TBC1D19: variants seen among roughly 807,000 people sequenced by gnomAD.
The protein encoded by TBC1D19 is TBC1 domain family member 19, also known as TBC1 domain family, member 19.
TBC1D19 carries 60 observed loss-of-function variants against 89.0 expected under a neutral mutation model. The ratio of observed to expected loss-of-function variants is 0.67; its 90% CI spans 0.55 to 0.84. The LOEUF (loss-of-function observed/expected upper bound fraction) is 0.84. TBC1D19 is among the 40% of genes least tolerant of loss of function. The pLI, the probability that TBC1D19 is intolerant of heterozygous loss-of-function variation, is 0.00. For synonymous variants in TBC1D19, 189 were observed against 199.7 expected, an observed-to-expected ratio of 0.95 and a Z score of 0.45; for missense variants, 500 against 610.8, an observed-to-expected ratio of 0.82 and a Z score of 1.91.
intron 13 of TBC1D19, among the ~76,000 whole-genome samples, chr4:26,698,614 A>T (rs1325495456): frequency 6.6e-6 from 1 of 152,228 alleles, no homozygotes; most frequent in Non-Finnish European, 1.5e-5. Flanking sequence ...TTCAAACTAC[A>T]CTACAAGGCT....
chr4:26,727,446 A>G (rs1717388872), intron 15 of TBC1D19, among the ~76,000 whole-genome samples: 1 of 152,184 alleles, frequency 6.6e-6, no homozygotes, highest in South Asian at 2.1e-4. Context: ...TGACAAAAAA[A>G]GATTTTCTTA....
intron 1 of TBC1D19, among the ~76,000 whole-genome samples, chr4:26,610,046 A>T (rs998796521): frequency 8.5e-5 from 13 of 152,258 alleles, no homozygotes; most frequent in African/African-American, 3.1e-4. Context: ...TGAGAGTGCC[A>T]GGTGGAAGTG....
Position 26,691,598 on chromosome 4 carries a change from G to T in TBC1D19, c.954+3191G>T, listed in dbSNP as rs192328541. 3.3e-4 allele frequency among the ~76,000 whole-genome samples: 50 copies of T among 151,706 alleles called. 1 individual carries two copies. In the East Asian group the frequency reaches 9.1e-3, roughly 28 times the overall value. On this transcript the variant is annotated intron_variant, in intron 13 of 20. Coordinates refer to ENST00000264866, the MANE Select transcript of TBC1D19 (RefSeq NM_018317.4). ...GATGGTTATTAGCATTTTTTTTTTA[G>T]CAAGAAAGTATTTTTAATTTATGGC...
chr4:26,783,100 C>T, the TBC1D19 span, among the ~76,000 whole-genome samples: 4 of 152,140 alleles, frequency 2.6e-5, no homozygotes, highest in African/African-American at 4.8e-5. Context: ...TAACTAACCG[C>T]GGGGCTATTT....
chr4:26,659,646 G>A lies in TBC1D19; in HGVS notation c.530G>A (p.Ser177Asn), dbSNP rs1745094313. Reference sequence around the variant, plus strand: ...AATTATGAAAACGGTGATTCTCTTAGTTTCAGGACTCATTTGGGTTTAATT... The same window carrying A: ...AATTATGAAAACGGTGATTCTCTTAATTTCAGGACTCATTTGGGTTTAATT... Reference protein sequence around the residue: ...NPNYENGDSLSFRTHLGLIQV... With the variant: ...NPNYENGDSLNFRTHLGLIQV... The change falls in exon 8 of 21, where the codon AGT (serine) becomes AAT (asparagine). Residue 177 changes from serine to asparagine, a missense_variant. Transcript: ENST00000264866. The A allele has an allele frequency of 1.3e-6, 2 of 1,595,686 alleles. No homozygotes were observed. The highest frequency in any genetic ancestry group is 1.7e-6 in the Non-Finnish European group (2 of 1,167,166).
the TBC1D19 span, among the ~76,000 whole-genome samples, chr4:26,810,254 TC>T: frequency 6.6e-6 from 1 of 152,056 alleles, no homozygotes; most frequent in Non-Finnish European, 1.5e-5. Flanking sequence ...TTCCCCTCAC[TC>T]CCCCAGTAGC....
chr4:26,841,900 C>A, the TBC1D19 span, among the ~76,000 whole-genome samples: 1 of 151,772 alleles, frequency 6.6e-6, no homozygotes, highest in Non-Finnish European at 1.5e-5. Flanking sequence ...TGGCATTGCA[C>A]AATATAAAGA....
chr4:26,678,300 C>T (rs1041323653), intron 11 of TBC1D19, among the ~76,000 whole-genome samples: 7 of 152,122 alleles, frequency 4.6e-5, no homozygotes, highest in African/African-American at 1.4e-4. Flanking sequence ...GTGTAACTTT[C>T]GTCAGTCGAG....
Position 26,673,766 on chromosome 4 carries a change from C to T in TBC1D19, c.704-10C>T. 9.6e-6 allele frequency: 15 copies of T among 1,570,598 alleles called. No homozygotes were observed. Among genetic ancestry groups the T allele is most frequent in the Non-Finnish European group, 1.3e-5 (15 of 1,142,252 alleles). On this transcript the variant is annotated splice_polypyrimidine_tract_variant and intron_variant, in intron 10 of 20. Transcript: ENST00000264866. The stretch of plus-strand genomic sequence containing the variant: ...AGTTTTCAAAGGAGATTTTCATATA[C>T]TTTTGATAGTTCTAGCAGAACAAGA...
intron 7 of TBC1D19, among the ~76,000 whole-genome samples, chr4:26,642,439 TG>T (rs1743610757): frequency 6.6e-6 from 1 of 152,024 alleles, no homozygotes; most frequent in Non-Finnish European, 1.5e-5. Context: ...GCACTAAACA[TG>T]GAAAGGAACA....
chr4:26,793,863 AG>A, the TBC1D19 span, among the ~76,000 whole-genome samples: 1 of 152,150 alleles, frequency 6.6e-6, no homozygotes, highest in African/African-American at 2.4e-5. Context: ...CTTACTTCTT[AG>A]TACTTGAAAC....
intron 7 of TBC1D19, among the ~76,000 whole-genome samples, chr4:26,645,755 A>T (rs1423760774): frequency 6.6e-6 from 1 of 152,174 alleles, no homozygotes; most frequent in Non-Finnish European, 1.5e-5. Context: ...CAATCTACCC[A>T]TGTGACATAG....
At chr4:26,741,139 G>A (rs1718344537) in intron 17 of TBC1D19, among the ~76,000 whole-genome samples, 1 of 152,150 alleles carries the variant, frequency 6.6e-6, no homozygotes, top group East Asian at 1.9e-4. Flanking sequence ...GGTGGATCAT[G>A]AGGTCAGGAG....
intron 13 of TBC1D19, among the ~76,000 whole-genome samples, chr4:26,695,228 A>G (rs898253422): frequency 9.2e-5 from 14 of 152,210 alleles, no homozygotes; most frequent in Non-Finnish European, 4.4e-5. Context: ...TTCAGTAGCC[A>G]ATTCGATCAA....
At chr4:26,815,667 G>A in the TBC1D19 span, among the ~76,000 whole-genome samples, 3 of 152,170 alleles carry the variant, frequency 2.0e-5, no homozygotes, top group African/African-American at 7.2e-5. Context: ...AAAAAAAGAG[G>A]CCATTCTGAC....
At chr4:26,740,884 T>C in intron 17 of TBC1D19, 5 of 985,428 alleles carry the variant, frequency 5.1e-6, no homozygotes, top group Non-Finnish European at 6.0e-6. Flanking sequence ...CCAGTTTTGC[T>C]TTCATACATC....
chr4:26,756,760 C>T (rs1174507742), downstream of TBC1D19, among the ~76,000 whole-genome samples: 2 of 152,204 alleles, frequency 1.3e-5, no homozygotes, highest in East Asian at 1.9e-4. Context: ...ATGAAGAATG[C>T]ACAACTTCAT....
chr4:26,752,015 A>G (rs1039241150), intron 19 of TBC1D19, among the ~76,000 whole-genome samples: 7 of 152,160 alleles, frequency 4.6e-5, no homozygotes, highest in Admixed American at 3.9e-4. Flanking sequence ...AAGGTTGAGT[A>G]TTGGCTTTAC....
At chr4:26,757,143 A>G (rs551828001), downstream of TBC1D19, among the ~76,000 whole-genome samples, 1 of 152,094 alleles carries the variant, frequency 6.6e-6, no homozygotes, top group African/African-American at 2.4e-5. Flanking sequence ...CCTCCCAAAT[A>G]GCTGGGACTA....
Sources: allele counts gnomAD v4.1 joint callset (sites outside exome capture counted in the v4.1 genomes callset), GRCh38; gene constraint gnomAD v4.1.1; transcripts MANE v1.5; gene names NCBI Gene and HGNC (gene_info 2026-07-23, HGNC 2026-07-21).